SLC23A2: variants seen among roughly 807,000 people sequenced by gnomAD.
SLC23A2 encodes Na(+)/L-ascorbic acid transporter 2.
SLC23A2 carries 36 observed loss-of-function variants against 73.3 expected under a neutral mutation model. That is an observed-to-expected ratio of 0.49 (90% CI 0.38 to 0.65). The LOEUF (loss-of-function observed/expected upper bound fraction) is 0.65. SLC23A2 is among the 30% of genes least tolerant of loss of function. The probability of loss-of-function intolerance (pLI) is 0.00; values close to 1 mark genes in which losing one functional copy is unlikely to be tolerated. For missense variants in SLC23A2, 507 were observed against 841.6 expected, an observed-to-expected ratio of 0.60 and a Z score of 4.92; for synonymous variants, 343 against 327.3, an observed-to-expected ratio of 1.05 and a Z score of -0.52.
At chr20:4,978,915 G>C (rs978996905) in intron 1 of SLC23A2, among the ~76,000 whole-genome samples, 1 of 152,106 alleles carries the variant, frequency 6.6e-6, no homozygotes, top group Admixed American at 6.6e-5. Flanking sequence ...ATCAGAAAGA[G>C]TTATTTAAGG....
chr20:4,898,001 T>C (rs1260265384), intron 6 of SLC23A2, among the ~76,000 whole-genome samples: 7 of 152,126 alleles, frequency 4.6e-5, no homozygotes, highest in Non-Finnish European at 8.8e-5. Flanking sequence ...GGATCCTGAG[T>C]GAGCCAAAAA....
chr20:4,979,143 A>C (rs1464937722), intron 1 of SLC23A2, among the ~76,000 whole-genome samples: 2 of 151,820 alleles, frequency 1.3e-5, no homozygotes, highest in Non-Finnish European at 2.9e-5. Context: ...AAATACAAAA[A>C]TTAGCCAAGC....
chr20:4,855,738 C>T lies in SLC23A2; in HGVS notation c.*1234G>A, dbSNP rs772178237. ...CGGCTCTGCGTGTTACCTGCCCCAG[C>T]TTCCCTTCTTCACAAAACAAATTCA... On this transcript the variant is annotated 3_prime_UTR_variant, in exon 17 of 17. Coordinates refer to ENST00000338244, the MANE Select transcript of SLC23A2 (RefSeq NM_005116.6). 18 of 152,688 alleles carry T rather than the reference C, an allele frequency of 1.2e-4. No individual in the cohort carries two copies. Among genetic ancestry groups the T allele is most frequent in the Admixed American group, 8.5e-4 (13 of 15,286 alleles). 9.5% of individuals were successfully genotyped at this position (152,688 alleles called of 1,614,324 possible).
At chr20:4,900,114 G>A (rs1039223486) in intron 5 of SLC23A2, among the ~76,000 whole-genome samples, 1 of 151,734 alleles carries the variant, frequency 6.6e-6, no homozygotes, top group Non-Finnish European at 1.5e-5. Flanking sequence ...CAAGCGATCC[G>A]CCTGCCTCTC....
intron 7 of SLC23A2, 92 bp downstream of exon 7, chr20:4,885,729 G>A: frequency 1.1e-6 from 1 of 870,598 alleles, no homozygotes; most frequent in Non-Finnish European, 1.9e-6. Context: ...TTCTTGAAAG[G>A]ATTTAGCGCT....
At chr20:4,874,748 T>C (rs774058708) in intron 9 of SLC23A2, 52 bp from the exon 10 acceptor site, 2 of 1,479,464 alleles carry the variant, frequency 1.4e-6, no homozygotes, top group East Asian at 4.6e-5. Context: ...GTCTCTGTTA[T>C]AAAATAACAC....
chr20:4,873,695 T>C (rs1600088118), intron 11 of SLC23A2, among the ~76,000 whole-genome samples: 1 of 152,286 alleles, frequency 6.6e-6, no homozygotes, highest in East Asian at 1.9e-4. Flanking sequence ...CAGGATTTCA[T>C]CCTAGCAGAT....
intron 1 of SLC23A2, among the ~76,000 whole-genome samples, chr20:4,974,009 C>A (rs552181320): frequency 6.6e-6 from 1 of 152,232 alleles, no homozygotes; most frequent in African/African-American, 2.4e-5. Flanking sequence ...TAACATCTAC[C>A]ACTGACTCAA....
At chr20:4,968,011 A>T (rs1423146955) in intron 2 of SLC23A2, among the ~76,000 whole-genome samples, 1 of 152,236 alleles carries the variant, frequency 6.6e-6, no homozygotes, top group East Asian at 1.9e-4. Context: ...AGGCAAATGG[A>T]ATGACACCAA....
intron 6 of SLC23A2, among the ~76,000 whole-genome samples, chr20:4,888,398 T>C (rs1305846351): frequency 6.6e-6 from 1 of 152,224 alleles, no homozygotes; most frequent in Non-Finnish European, 1.5e-5. Context: ...AGGGAAAATA[T>C]ATCTTAAATA....
rs1930001802 is a variant in SLC23A2, at chr20:4,862,396, C to T, written c.1487-311G>A. On this transcript the variant is annotated intron_variant, in intron 14 of 16. Coordinates refer to ENST00000338244, the MANE Select transcript of SLC23A2 (RefSeq NM_005116.6). This position sits in a 1 kb window ranked among gnomAD's most constrained non-coding sequence, Gnocchi z 5.1. ...CAAACATTTTGATTAAACAGGGAGA[C>T]CTACCTAAATATCTGGTGCATGTCT... is the stretch of plus-strand genomic sequence containing the variant. Among the ~76,000 whole-genome samples, 1 of 152,206 alleles carries T rather than the reference C, an allele frequency of 6.6e-6. No homozygotes were observed. Among genetic ancestry groups the T allele is most frequent in the Non-Finnish European group, 1.5e-5 (1 of 68,040 alleles).
At chr20:4,887,158 CT>C (rs1359965127) in intron 6 of SLC23A2, among the ~76,000 whole-genome samples, 1 of 152,230 alleles carries the variant, frequency 6.6e-6, no homozygotes, top group Non-Finnish European at 1.5e-5. Flanking sequence ...CTGTTGACCA[CT>C]CCCACAGGCA....
intron 1 of SLC23A2, among the ~76,000 whole-genome samples, chr20:5,009,207 ATTTT>A (rs1391955148): frequency 2.6e-5 from 4 of 151,886 alleles, no homozygotes; most frequent in Admixed American, 2.0e-4. Context: ...CTCTGACTGT[ATTTT>A]TTTCTTTCTT....
Position 4,932,688 on chromosome 20 carries a change from T to A in SLC23A2, c.-126A>T. 1 of 649,234 alleles carries A rather than the reference T, an allele frequency of 1.5e-6. No individual in the cohort carries two copies. The allele number at this position is 649,234 out of a possible 1,614,324, so 40.2% of individuals were successfully genotyped here. On this transcript the variant is annotated 5_prime_UTR_variant, in exon 3 of 17. Coordinates refer to ENST00000338244, the MANE Select transcript of SLC23A2 (RefSeq NM_005116.6). ...GGAGCCCCCGATTCTCAAGCAGAGATGAGGCCTGCAAACGGCATCTCTTAG... is the reference window on the plus strand; with the variant it reads ...GGAGCCCCCGATTCTCAAGCAGAGAAGAGGCCTGCAAACGGCATCTCTTAG...
chr20:4,982,760 G>A (rs900589954), intron 1 of SLC23A2, among the ~76,000 whole-genome samples: 7 of 152,168 alleles, frequency 4.6e-5, no homozygotes, highest in African/African-American at 1.7e-4. Flanking sequence ...TCAGGACAAC[G>A]TAATGGGGGG....
intron 10 of SLC23A2, 74 bp from the exon 11 acceptor site, chr20:4,874,166 G>A (rs553876509): frequency 8.2e-6 from 12 of 1,459,162 alleles, no homozygotes; most frequent in African/African-American, 5.6e-5. Context: ...GTCTTCCCGC[G>A]GTCGGAATAT....
intron 2 of SLC23A2, among the ~76,000 whole-genome samples, chr20:4,968,181 C>G (rs1265314792): frequency 6.6e-6 from 1 of 152,146 alleles, no homozygotes; most frequent in Non-Finnish European, 1.5e-5. Context: ...CTCAAGGACA[C>G]TGGAACTCCA....
intron 9 of SLC23A2, among the ~76,000 whole-genome samples, chr20:4,881,596 T>C (rs1431331545): frequency 6.6e-6 from 1 of 152,240 alleles, no homozygotes; most frequent in Non-Finnish European, 1.5e-5. Flanking sequence ...TTGGGTTTTG[T>C]TTCCCCCTCA....
intron 6 of SLC23A2, among the ~76,000 whole-genome samples, chr20:4,896,844 A>AT (rs1931544761): frequency 6.6e-6 from 1 of 152,204 alleles, no homozygotes; most frequent in Non-Finnish European, 1.5e-5. Context: ...GTGCCTGTTG[A>AT]TAAGTCCCAA....
Sources: allele counts gnomAD v4.1 joint callset (sites outside exome capture counted in the v4.1 genomes callset), GRCh38; gene constraint gnomAD v4.1.1; non-coding constraint Gnocchi (gnomAD v3.1); transcripts MANE v1.5; gene names NCBI Gene and HGNC (gene_info 2026-07-23, HGNC 2026-07-21).